PRKN: variants seen among roughly 807,000 people sequenced by gnomAD.
The protein encoded by PRKN is E3 ubiquitin-protein ligase parkin.
A neutral mutation model predicts 59.5 loss-of-function variants in PRKN; 56 were observed. The ratio of observed to expected loss-of-function variants is 0.94; its 90% CI spans 0.76 to 1.18. The LOEUF (loss-of-function observed/expected upper bound fraction) is 1.18. Ranked by LOEUF, PRKN falls within the 50% of genes most tolerant of loss-of-function variation. The pLI is 0.00. For synonymous variants in PRKN, 250 were observed against 222.1 expected (o/e 1.13, Z -1.12); for missense variants, 657 against 596.4 (o/e 1.10, Z -1.06).
In PRKN at chr6:161,879,589, G is replaced by A. The variant is rs993184033; in HGVS notation, c.735-93681C>T. ...TCTCGATCTCCTGACCTCATGATCTGCCCACCTCAGACTCCCAAAGTGCTG... is the reference window on the plus strand; with the variant it reads ...TCTCGATCTCCTGACCTCATGATCTACCCACCTCAGACTCCCAAAGTGCTG... On this transcript the variant is annotated intron_variant, in intron 6 of 11. Coordinates refer to ENST00000366898, the MANE Select transcript of PRKN (RefSeq NM_004562.3). Among the ~76,000 whole-genome samples, 4 of 151,970 alleles carry A rather than the reference G, an allele frequency of 2.6e-5. No individual in the cohort carries two copies. The South Asian group carries it at 8.3e-4, about 32-fold the overall frequency.
rs1266499115 is a variant in PRKN, at chr6:162,212,083, C to T, written c.413-10831G>A. Among the ~76,000 whole-genome samples, 3 of 152,114 alleles carry T rather than the reference C, an allele frequency of 2.0e-5. No homozygotes were observed. The South Asian group carries it at 6.2e-4, about 32-fold the overall frequency. ...AACACTCTTCACTGGTACTGTGGGA[C>T]CATGAAAGTCTTTCTATATCATGAG... On this transcript the variant is annotated intron_variant, in intron 3 of 11. Transcript: ENST00000366898.
chr6:162,721,372 ATCTT>A (rs1358477975), intron 1 of PRKN, among the ~76,000 whole-genome samples: 1 of 152,230 alleles, frequency 6.6e-6, no homozygotes, highest in Non-Finnish European at 1.5e-5. Context: ...TGCCACAGAC[ATCTT>A]TCTAAAATAC....
intron 9 of PRKN, among the ~76,000 whole-genome samples, chr6:161,406,155 C>T (rs1437974125): frequency 6.6e-6 from 1 of 151,318 alleles, no homozygotes; most frequent in East Asian, 1.9e-4. Context: ...TATATACACA[C>T]ATATATATAC....
rs1015146774 is a variant in PRKN, at chr6:161,584,094, G to T, written c.872-14678C>A. Among the ~76,000 whole-genome samples the T allele has an allele frequency of 6.6e-6, 1 of 152,120 alleles. No individual in the cohort carries two copies. The highest frequency in any genetic ancestry group is 1.5e-5 in the Non-Finnish European group (1 of 68,042). On this transcript the variant is annotated intron_variant, in intron 7 of 11. Coordinates refer to ENST00000366898, the MANE Select transcript of PRKN (RefSeq NM_004562.3). This position sits in a 1 kb window ranked among gnomAD's most constrained non-coding sequence, Gnocchi z 4.8. ...TTAGAGACACAACCCTCCCCTCCTT[G>T]GTTGTATGTGTATTCATCTCTTCTT...
chr6:162,453,516 G>T (rs950964003), intron 1 of PRKN, among the ~76,000 whole-genome samples: 5 of 152,114 alleles, frequency 3.3e-5, no homozygotes, highest in African/African-American at 9.7e-5. Context: ...CTCTGTGTGG[G>T]TTCACAGACT....
intron 1 of PRKN, among the ~76,000 whole-genome samples, chr6:162,527,400 T>G (rs530195228): frequency 6.6e-6 from 1 of 152,170 alleles, no homozygotes; most frequent in East Asian, 1.9e-4. Flanking sequence ...ATTCGAGGAT[T>G]TTTTTTTCCA....
intron 7 of PRKN, among the ~76,000 whole-genome samples, chr6:161,630,531 G>T (rs572895153): frequency 1.3e-5 from 2 of 152,282 alleles, no homozygotes; most frequent in African/African-American, 4.8e-5. Context: ...AAATCTTCCT[G>T]TACTTCCAAG....
intron 1 of PRKN, among the ~76,000 whole-genome samples, chr6:162,444,801 T>C (rs148039937): frequency 8.3e-4 from 126 of 152,310 alleles, no homozygotes; most frequent in African/African-American, 2.9e-3. Flanking sequence ...ACTCCTTTAA[T>C]TGGCTTAGGA....
At chr6:162,246,063 G>A (rs1459763969) in intron 3 of PRKN, among the ~76,000 whole-genome samples, 17 of 152,192 alleles carry the variant, frequency 1.1e-4, no homozygotes, top group South Asian at 2.1e-4. Context: ...ATGGCTTTGC[G>A]TCTACATATC....
At chr6:161,915,415 T>C (rs185570464) in intron 6 of PRKN, among the ~76,000 whole-genome samples, 249 of 152,378 alleles carry the variant, frequency 1.6e-3, no homozygotes, top group African/African-American at 5.7e-3. Context: ...CTCTTAACCC[T>C]CACATCAAGA....
intron 4 of PRKN, among the ~76,000 whole-genome samples, chr6:162,158,508 T>G (rs1012586297): frequency 6.6e-6 from 1 of 150,780 alleles, no homozygotes; most frequent in African/African-American, 2.4e-5. Flanking sequence ...CTTGGCTCAC[T>G]GCAATCTCCG....
At chr6:162,182,483 C>A (rs984281659) in intron 4 of PRKN, among the ~76,000 whole-genome samples, 28 of 152,150 alleles carry the variant, frequency 1.8e-4, no homozygotes, top group African/African-American at 5.8e-4. Flanking sequence ...CGGGAGTCTA[C>A]TGACATGGGA....
chr6:161,864,383 GT>G (rs1283524611), intron 6 of PRKN, among the ~76,000 whole-genome samples: 31 of 152,222 alleles, frequency 2.0e-4, no homozygotes, highest in African/African-American at 6.7e-4. Context: ...ACCTGTTCAA[GT>G]TTGATTATGA....
chr6:162,314,138 G>T (rs1161440057), intron 2 of PRKN, among the ~76,000 whole-genome samples: 2 of 152,040 alleles, frequency 1.3e-5, no homozygotes, highest in African/African-American at 2.4e-5. Flanking sequence ...GAGTTCCCAT[G>T]CAGAATTAAT....
chr6:161,439,437 T>C (rs1021115069), intron 9 of PRKN, among the ~76,000 whole-genome samples: 2 of 152,132 alleles, frequency 1.3e-5, no homozygotes, highest in African/African-American at 4.8e-5. Context: ...TGCAAATAAG[T>C]ACGAATGCAA....
intron 6 of PRKN, among the ~76,000 whole-genome samples, chr6:161,843,323 C>A (rs1793067567): frequency 6.6e-6 from 1 of 152,222 alleles, no homozygotes; most frequent in South Asian, 2.1e-4. Context: ...TCTCCATCTT[C>A]TCTGAGAGAC....
chr6:162,295,406 C>G (rs913025779), intron 2 of PRKN, among the ~76,000 whole-genome samples: 3 of 152,150 alleles, frequency 2.0e-5, no homozygotes, highest in Admixed American at 2.0e-4. Context: ...TATATTTACA[C>G]AAAAGGCCTG....
chr6:161,813,352 C>G (rs1269169971), intron 6 of PRKN, among the ~76,000 whole-genome samples: 1 of 152,178 alleles, frequency 6.6e-6, no homozygotes, highest in Non-Finnish European at 1.5e-5. Flanking sequence ...CCCAGCCTCA[C>G]CGGGCTGCGG....
chr6:162,223,969 T>C (rs1163858520), intron 3 of PRKN, among the ~76,000 whole-genome samples: 2 of 152,160 alleles, frequency 1.3e-5, no homozygotes, highest in African/African-American at 2.4e-5. Context: ...TTTGGCTGTG[T>C]TCGTGGTGTG....
Sources: allele counts gnomAD v4.1 joint callset (sites outside exome capture counted in the v4.1 genomes callset), GRCh38; gene constraint gnomAD v4.1.1; non-coding constraint Gnocchi (gnomAD v3.1); transcripts MANE v1.5; gene names NCBI Gene and HGNC (gene_info 2026-07-23, HGNC 2026-07-21).